Variants in PRR16 observed in about 807,000 individuals in gnomAD.
PRR16 encodes the protein proline rich 16.
In PRR16, 6 loss-of-function variants were observed where a neutral mutation model predicts 18.2. That is an observed-to-expected ratio of 0.33 (90% CI 0.18 to 0.65). The LOEUF (loss-of-function observed/expected upper bound fraction) is 0.65, where lower values mean the gene tolerates loss of function less well. Among genes scored for constraint, PRR16 ranks in the 30% least tolerant of loss-of-function variants. The pLI is 0.74. For synonymous variants in PRR16, 151 were observed against 147.8 expected (o/e 1.02, Z -0.16); for missense variants, 412 against 376.6 (o/e 1.09, Z -0.78).
At chr5:120,534,834 T>A (rs1347980686) in intron 1 of PRR16, among the ~76,000 whole-genome samples, 1 of 152,198 alleles carries the variant, frequency 6.6e-6, no homozygotes. Flanking sequence ...GTTTCTTAAG[T>A]CATGTAAGTA....
chr5:120,611,728 C>T (rs1397925238), intron 1 of PRR16, among the ~76,000 whole-genome samples: 1 of 152,134 alleles, frequency 6.6e-6, no homozygotes, highest in African/African-American at 2.4e-5. Flanking sequence ...AGGGGTGGGG[C>T]CCACATGGAG....
chr5:120,662,871 A>T (rs1013445400), intron 1 of PRR16, among the ~76,000 whole-genome samples: 1 of 152,124 alleles, frequency 6.6e-6, no homozygotes, highest in East Asian at 1.9e-4. Context: ...GTGGAGGACA[A>T]TCAAGGAATT....
At chr5:120,632,827 A>G (rs1301482363) in intron 1 of PRR16, among the ~76,000 whole-genome samples, 2 of 152,222 alleles carry the variant, frequency 1.3e-5, no homozygotes, top group African/African-American at 4.8e-5. Context: ...ATTGAGAAAC[A>G]CTTTCTTGGC....
chr5:120,508,987 G>C (rs367595710), intron 1 of PRR16, among the ~76,000 whole-genome samples: 4 of 151,976 alleles, frequency 2.6e-5, no homozygotes, highest in African/African-American at 9.7e-5. Context: ...AAGATAATTT[G>C]CTTAGTCAAA....
chr5:120,494,097 T>C (rs1750159488), intron 1 of PRR16, among the ~76,000 whole-genome samples: 1 of 152,198 alleles, frequency 6.6e-6, no homozygotes, highest in South Asian at 2.1e-4. Context: ...TTTAGTTTTA[T>C]AAGAGACTGT....
At chr5:120,777,419 G>A in the PRR16 span, among the ~76,000 whole-genome samples, 4 of 151,320 alleles carry the variant, frequency 2.6e-5, no homozygotes, top group South Asian at 4.2e-4. Context: ...AATTATTTTC[G>A]GCCTCAAATT....
the PRR16 span, among the ~76,000 whole-genome samples, chr5:120,707,202 C>T: frequency 6.6e-6 from 1 of 152,190 alleles, no homozygotes; most frequent in African/African-American, 2.4e-5. Flanking sequence ...CCATCTTGTT[C>T]ACCATTAAAG....
intron 1 of PRR16, among the ~76,000 whole-genome samples, chr5:120,579,796 T>C (rs1753206320): frequency 6.6e-6 from 1 of 152,196 alleles, no homozygotes; most frequent in Admixed American, 6.5e-5. Flanking sequence ...GGTAGTTTGA[T>C]GGGAATAGCA....
the PRR16 span, among the ~76,000 whole-genome samples, chr5:120,749,368 T>C: frequency 6.6e-6 from 1 of 152,158 alleles, no homozygotes; most frequent in South Asian, 2.1e-4. Context: ...TGAATAATTA[T>C]GTCACATAAA....
intron 1 of PRR16, among the ~76,000 whole-genome samples, chr5:120,561,819 C>G (rs1752583775): frequency 6.6e-6 from 1 of 152,118 alleles, no homozygotes; most frequent in Non-Finnish European, 1.5e-5. Context: ...TCTTTGCCCT[C>G]ATTCTTTCTC....
chr5:120,745,025 T>A, the PRR16 span, among the ~76,000 whole-genome samples: 1 of 152,324 alleles, frequency 6.6e-6, no homozygotes, highest in South Asian at 2.1e-4. Flanking sequence ...AGTCTTGGTA[T>A]TTATCAGAGA....
At chr5:120,735,048 C>G in the PRR16 span, among the ~76,000 whole-genome samples, 15 of 152,126 alleles carry the variant, frequency 9.9e-5, no homozygotes, top group Non-Finnish European at 1.9e-4. Context: ...TATGATAACA[C>G]CATGCTACTT....
intron 1 of PRR16, among the ~76,000 whole-genome samples, chr5:120,530,811 A>G (rs559353015): frequency 1.3e-5 from 2 of 152,264 alleles, no homozygotes; most frequent in South Asian, 2.1e-4. Flanking sequence ...GCCATCACCC[A>G]GGGTGGAAGT....
intron 1 of PRR16, among the ~76,000 whole-genome samples, chr5:120,647,500 A>C (rs1396596235): frequency 6.6e-6 from 1 of 152,080 alleles, no homozygotes; most frequent in Non-Finnish European, 1.5e-5. Flanking sequence ...TATAACAAAA[A>C]GTAAGGTTAT....
At chr5:120,692,588 A>T in the PRR16 span, among the ~76,000 whole-genome samples, 1 of 152,178 alleles carries the variant, frequency 6.6e-6, no homozygotes, top group Non-Finnish European at 1.5e-5. Context: ...ATGGAAGGAG[A>T]TGTGCATATG....
chr5:120,637,665 A>G (rs944110528), intron 1 of PRR16, among the ~76,000 whole-genome samples: 1 of 152,056 alleles, frequency 6.6e-6, no homozygotes, highest in Non-Finnish European at 1.5e-5. Flanking sequence ...GAGGGATGGC[A>G]AGAGATAAAA....
chr5:120,760,282 T>A, the PRR16 span, among the ~76,000 whole-genome samples: 1 of 152,118 alleles, frequency 6.6e-6, no homozygotes, highest in South Asian at 2.1e-4. Flanking sequence ...CATGTTTAAA[T>A]TAATTTATAT....
intron 1 of PRR16, among the ~76,000 whole-genome samples, chr5:120,469,155 A>G (rs894206096): frequency 6.6e-6 from 1 of 152,202 alleles, no homozygotes; most frequent in Non-Finnish European, 1.5e-5. Context: ...CAGAATTAAC[A>G]ATTATCTGAA....
At chr5:120,683,705 C>T (rs1001707680) in intron 1 of PRR16, among the ~76,000 whole-genome samples, 1 of 151,972 alleles carries the variant, frequency 6.6e-6, no homozygotes, top group South Asian at 2.1e-4. Flanking sequence ...TGTCACATGA[C>T]TAACCTGAAA....
Sources: gnomAD v4.1 joint callset for allele counts (sites outside exome capture counted in the v4.1 genomes callset) on GRCh38, gnomAD v4.1.1 for gene constraint, MANE v1.5 for transcripts, NCBI Gene and HGNC (gene_info 2026-07-23, HGNC 2026-07-21) for gene names.